The following PRDM16 variants were observed in gnomAD, a reference collection of about 807,000 sequenced individuals.
PRDM16 encodes PR/SET domain 16, also known as histone-lysine N-methyltransferase PRDM16.
A neutral mutation model predicts 110.6 loss-of-function variants in PRDM16; 23 were observed. That is an observed-to-expected ratio of 0.21 (90% CI 0.15 to 0.29). The LOEUF (loss-of-function observed/expected upper bound fraction) is 0.29, where lower values mean the gene tolerates loss of function less well. Among genes scored for constraint, PRDM16 ranks in the 10% least tolerant of loss-of-function variants. The pLI, the probability that PRDM16 is intolerant of heterozygous loss-of-function variation, is 1.00. For synonymous variants in PRDM16, 799 were observed against 781.8 expected, an observed-to-expected ratio of 1.02 and a Z score of -0.37; for missense variants, 1,615 against 1,794.3, an observed-to-expected ratio of 0.90 and a Z score of 1.81.
chr1:3,091,929 AACCTGCCAGG>A (rs1642286592), intron 1 of PRDM16, among the ~76,000 whole-genome samples: 1 of 152,216 alleles, frequency 6.6e-6, no homozygotes, highest in Non-Finnish European at 1.5e-5. Flanking sequence ...CACATCGCAG[AACCTGCCAGG>A]AAAATCAATG....
intron 1 of PRDM16, among the ~76,000 whole-genome samples, chr1:3,161,647 G>A (rs1643897450): frequency 2.0e-5 from 3 of 152,346 alleles, no homozygotes; most frequent in South Asian, 2.1e-4. Context: ...CTGCCCGCCC[G>A]GCGCGGAGAG....
intron 3 of PRDM16, among the ~76,000 whole-genome samples, chr1:3,304,853 G>C (rs577357649): frequency 6.6e-6 from 1 of 152,258 alleles, no homozygotes; most frequent in East Asian, 1.9e-4. Flanking sequence ...CACCACAGTT[G>C]TGGAGGAGCC....
intron 4 of PRDM16, among the ~76,000 whole-genome samples, chr1:3,392,058 C>A (rs772215139): frequency 5.9e-5 from 9 of 152,248 alleles, no homozygotes; most frequent in Non-Finnish European, 1.2e-4. Context: ...TGAGACCCAG[C>A]CACCTCCGCT....
At chr1:3,422,775 C>A (rs10492937) in intron 12 of PRDM16, among the ~76,000 whole-genome samples, 13,745 of 152,310 alleles carry the variant, frequency 0.09, 672 homozygotes, top group East Asian at 0.16. Flanking sequence ...CAGGCCGAGT[C>A]AAACAAAACT....
At chr1:3,377,035 G>A (rs1406330933) in intron 3 of PRDM16, among the ~76,000 whole-genome samples, 4 of 152,206 alleles carry the variant, frequency 2.6e-5, no homozygotes, top group South Asian at 2.1e-4. Flanking sequence ...TTTCTGTTTC[G>A]GCTACTCGTG....
intron 3 of PRDM16, among the ~76,000 whole-genome samples, chr1:3,280,847 CT>C (rs1640698872): frequency 6.6e-6 from 1 of 152,238 alleles, no homozygotes; most frequent in Non-Finnish European, 1.5e-5. Flanking sequence ...AAGTGGGGTT[CT>C]CACAGCCCCT....
intron 3 of PRDM16, among the ~76,000 whole-genome samples, chr1:3,275,611 T>A (rs1480287056): frequency 6.6e-6 from 1 of 152,136 alleles, no homozygotes; most frequent in Non-Finnish European, 1.5e-5. Flanking sequence ...GGCACAGTGC[T>A]CGAACCAAAC....
chr1:3,253,831 T>C (rs1189584807), intron 3 of PRDM16, among the ~76,000 whole-genome samples: 2 of 152,224 alleles, frequency 1.3e-5, no homozygotes, highest in East Asian at 3.9e-4. Context: ...ACCAACAGTG[T>C]AAAAGTGTTC....
intron 3 of PRDM16, among the ~76,000 whole-genome samples, chr1:3,264,961 A>G (rs1640253146): frequency 6.6e-6 from 1 of 152,048 alleles, no homozygotes; most frequent in South Asian, 2.1e-4. Context: ...GGAGATGGAA[A>G]TGGAGGCGGT....
rs144912114 is a variant in PRDM16 at position 3,115,403 on chromosome 1, C to T, written c.37+46107C>T. Among the ~76,000 whole-genome samples the T allele has an allele frequency of 7.7e-3, 1,171 of 152,306 alleles. 5 individuals carry two copies. The highest frequency in any genetic ancestry group is 0.034 in the Middle Eastern group (10 of 294). ...TACGCCAGCTCCTGAGCAAACCCAG[C>T]GGGACGGGGAGATGACAAATGATGG... On this transcript the variant is annotated intron_variant, in intron 1 of 16. Coordinates refer to ENST00000270722, the MANE Select transcript of PRDM16 (RefSeq NM_022114.4).
intron 1 of PRDM16, among the ~76,000 whole-genome samples, chr1:3,161,089 C>T (rs1329909894): frequency 6.6e-6 from 1 of 152,248 alleles, no homozygotes; most frequent in East Asian, 1.9e-4. Flanking sequence ...CCCCCACTCC[C>T]TGCCCCAGCC....
At chr1:3,250,409 G>C (rs549016830) in intron 3 of PRDM16, among the ~76,000 whole-genome samples, 6 of 152,240 alleles carry the variant, frequency 3.9e-5, no homozygotes, top group Admixed American at 6.5e-5. Context: ...CCCAAGGTGA[G>C]TTATGGGGCA....
chr1:3,134,647 AGG>A (rs1408080215), intron 1 of PRDM16, among the ~76,000 whole-genome samples: 1 of 152,284 alleles, frequency 6.6e-6, no homozygotes, highest in South Asian at 2.1e-4. Context: ...GGCGGCTTGA[AGG>A]ACCTTGACCT....
chr1:3,285,549 G>A (rs1640825980), intron 3 of PRDM16, among the ~76,000 whole-genome samples: 1 of 152,098 alleles, frequency 6.6e-6, no homozygotes, highest in African/African-American at 2.4e-5. Flanking sequence ...ATGCTCGCTC[G>A]GGAGCTTGGA....
Position 3,334,774 on chromosome 1 carries a change from G to A in PRDM16, c.439-50378G>A, listed in dbSNP as rs1021011722. 8.5e-5 allele frequency among the ~76,000 whole-genome samples: 13 copies of A among 152,192 alleles called. No individual in the cohort carries two copies. In the East Asian group the frequency reaches 1.3e-3, roughly 16 times the overall value. On this transcript the variant is annotated intron_variant, in intron 3 of 16. Transcript: ENST00000270722. ...CAATCATCATCGCCAAGTGCTCGCCGGGAACAGAGCAAACGAACACTCACC... is the reference window on the plus strand; with the variant it reads ...CAATCATCATCGCCAAGTGCTCGCCAGGAACAGAGCAAACGAACACTCACC...
intron 1 of PRDM16, among the ~76,000 whole-genome samples, chr1:3,171,520 G>T (rs1475038167): frequency 6.6e-6 from 1 of 152,180 alleles, no homozygotes. Context: ...CCATCCCAGG[G>T]TCACTGGCCA....
chr1:3,177,938 T>G (rs1468623751), intron 1 of PRDM16, among the ~76,000 whole-genome samples: 1 of 152,198 alleles, frequency 6.6e-6, no homozygotes, highest in African/African-American at 2.4e-5. Flanking sequence ...GGGTCCTGCC[T>G]CTTTCAGAGC....
chr1:3,223,892 C>G (rs1327388039), intron 2 of PRDM16, among the ~76,000 whole-genome samples: 5 of 152,202 alleles, frequency 3.3e-5, no homozygotes, highest in Admixed American at 1.3e-4. Flanking sequence ...ACACCGTGAG[C>G]AGATGAACGA....
At chr1:3,072,295 C>T (rs936117591) in intron 1 of PRDM16, among the ~76,000 whole-genome samples, 4 of 152,206 alleles carry the variant, frequency 2.6e-5, no homozygotes, top group African/African-American at 7.2e-5. Context: ...GGATCACCAT[C>T]GCCCTCATAG....
Sources: allele counts gnomAD v4.1 joint callset (sites outside exome capture counted in the v4.1 genomes callset), GRCh38; gene constraint gnomAD v4.1.1; transcripts MANE v1.5; gene names NCBI Gene and HGNC (gene_info 2026-07-23, HGNC 2026-07-21).